BMPR1B: variants seen among roughly 807,000 people sequenced by gnomAD.
BMPR1B encodes the protein bone morphogenetic protein receptor type-1B.
Under a neutral mutation model 59.1 loss-of-function variants are expected in BMPR1B, and 12 were observed. The ratio of observed to expected loss-of-function variants is 0.20; its 90% CI spans 0.13 to 0.33. The LOEUF (loss-of-function observed/expected upper bound fraction) is 0.33. BMPR1B is among the 10% of genes least tolerant of loss of function. BMPR1B has a pLI of 1.00. For missense variants in BMPR1B, 550 were observed against 610.9 expected (o/e 0.90, Z 1.05); for synonymous variants, 237 against 207.3 (o/e 1.14, Z -1.23).
At chr4:95,028,937 G>T (rs992213058) in intron 3 of BMPR1B, among the ~76,000 whole-genome samples, 1 of 151,882 alleles carries the variant, frequency 6.6e-6, no homozygotes, top group African/African-American at 2.4e-5. Context: ...TAAAATGGAA[G>T]TATTTATATA....
intron 3 of BMPR1B, among the ~76,000 whole-genome samples, chr4:95,063,885 T>C (rs958907929): frequency 5.3e-5 from 8 of 152,050 alleles, no homozygotes; most frequent in African/African-American, 1.7e-4. Flanking sequence ...TATGGAAATA[T>C]AGGAAAAGAA....
chr4:95,086,419 C>T (rs1160999867), intron 3 of BMPR1B, among the ~76,000 whole-genome samples: 1 of 152,146 alleles, frequency 6.6e-6, no homozygotes, highest in East Asian at 1.9e-4. Flanking sequence ...TAATGCGAAC[C>T]AGTATTCTTA....
rs928594676 is a variant in BMPR1B at position 95,157,358 on chromosome 4, A to G, written c.*2685A>G. The G allele has an allele frequency of 6.6e-6, 1 of 152,104 alleles. No individual in the cohort carries two copies. Among genetic ancestry groups the G allele is most frequent in the African/African-American group, 2.4e-5 (1 of 41,450 alleles). 9.4% of individuals were successfully genotyped at this position (152,104 alleles called of 1,614,324 possible). On this transcript the variant is annotated 3_prime_UTR_variant, in exon 13 of 13. Transcript: ENST00000515059. ...TTAGATAACACTAAATTGTTCTTAA[A>G]GACTACTCATTTCCCAATAATCCTT... is the stretch of plus-strand genomic sequence containing the variant.
chr4:94,815,565 T>C (rs1453768536), intron 1 of BMPR1B, among the ~76,000 whole-genome samples: 1 of 152,200 alleles, frequency 6.6e-6, no homozygotes, highest in Non-Finnish European at 1.5e-5. Flanking sequence ...ATTGGCAATA[T>C]TGTTTTTTAT....
At position 95,115,809 on chromosome 4, in the gene BMPR1B, C is replaced by A. The variant is rs748472074; in HGVS notation, c.349+22C>A. Reference sequence around the variant, plus strand: ...AGAGGTAAGTGAGGAAGGCTTCCAGCCTGGAAAATCACTAGGTATCATGAA... The same window carrying A: ...AGAGGTAAGTGAGGAAGGCTTCCAGACTGGAAAATCACTAGGTATCATGAA... On this transcript the variant is annotated intron_variant, in intron 6 of 12. Coordinates refer to ENST00000515059, the MANE Select transcript of BMPR1B (RefSeq NM_001203.3). 3 of 1,571,882 alleles carry A rather than the reference C, an allele frequency of 1.9e-6. No homozygotes were observed. In the African/African-American group the frequency reaches 4.1e-5, roughly 21 times the overall value.
chr4:94,773,834 A>G (rs1346484308), intron 1 of BMPR1B, among the ~76,000 whole-genome samples: 1 of 141,334 alleles, frequency 7.1e-6, no homozygotes, highest in Non-Finnish European at 1.6e-5. Flanking sequence ...AACTCTTTGT[A>G]ATATGAAAAC....
chr4:94,930,701 A>G (rs1729065369), intron 2 of BMPR1B, among the ~76,000 whole-genome samples: 1 of 152,156 alleles, frequency 6.6e-6, no homozygotes, highest in Non-Finnish European at 1.5e-5. Context: ...CCATCAACAG[A>G]CAATTACAAT....
intron 2 of BMPR1B, among the ~76,000 whole-genome samples, chr4:94,886,103 C>T (rs566646513): frequency 1.9e-3 from 296 of 152,038 alleles, no homozygotes; most frequent in Middle Eastern, 0.014. Context: ...AAGTGCTATG[C>T]CTAAGTTATA....
intron 2 of BMPR1B, among the ~76,000 whole-genome samples, chr4:94,953,831 G>T (rs1185781609): frequency 2.0e-5 from 3 of 152,096 alleles, no homozygotes; most frequent in South Asian, 4.2e-4. Context: ...AGTTCTCCTG[G>T]ATAATATCCT....
chr4:95,133,929 C>T (rs1733572837), intron 10 of BMPR1B, among the ~76,000 whole-genome samples: 1 of 151,738 alleles, frequency 6.6e-6, no homozygotes, highest in African/African-American at 2.4e-5. Flanking sequence ...GCACAACGTG[C>T]AGGTTTGTTA....
intron 1 of BMPR1B, among the ~76,000 whole-genome samples, chr4:94,863,817 G>C (rs375684334): frequency 6.6e-6 from 1 of 152,170 alleles, no homozygotes; most frequent in African/African-American, 2.4e-5. Context: ...ACACATTTCA[G>C]AGTTGCTCCT....
chr4:95,095,002 T>C (rs1217868749), intron 3 of BMPR1B, among the ~76,000 whole-genome samples: 1 of 151,964 alleles, frequency 6.6e-6, no homozygotes, highest in Non-Finnish European at 1.5e-5. Context: ...AGTTTAGGCA[T>C]ATGTCCCAAC....
At chr4:95,100,902 A>T (rs1730773643) in intron 3 of BMPR1B, among the ~76,000 whole-genome samples, 1 of 152,160 alleles carries the variant, frequency 6.6e-6, no homozygotes, top group South Asian at 2.1e-4. Context: ...ATAATTTTTT[A>T]AAGTCTTTAC....
chr4:94,909,294 A>G (rs1206650084), intron 2 of BMPR1B, among the ~76,000 whole-genome samples: 2 of 152,024 alleles, frequency 1.3e-5, no homozygotes, highest in African/African-American at 4.8e-5. Flanking sequence ...TTTGGGGGAT[A>G]CTAACTTACT....
intron 4 of BMPR1B, 40 bp downstream of exon 4, chr4:95,104,607 A>G (rs755002009): frequency 1.3e-5 from 21 of 1,610,498 alleles, no homozygotes; most frequent in Non-Finnish European, 1.8e-5. Context: ...TTTAACAAAA[A>G]GTCACACTTT....
rs1233812199 is a variant in BMPR1B at position 95,133,870 on chromosome 4, C to G, written c.1076+2358C>G. Among the ~76,000 whole-genome samples, 3 of 128,496 alleles carry G rather than the reference C, an allele frequency of 2.3e-5. No homozygotes were observed. The South Asian group carries it at 7.6e-4, about 33-fold the overall frequency. 84.3% of individuals were successfully genotyped at this position (128,496 alleles called of 152,430 possible). A position where few individuals can be genotyped will look rare whatever the true frequency, so the allele number is the denominator to read the frequency against. Reference sequence around the variant, plus strand: ...TAGGCATGAGCCACCATGCCTGGCCCACCTGCTGTTTTTTTTTTCATTATA... The same window carrying G: ...TAGGCATGAGCCACCATGCCTGGCCGACCTGCTGTTTTTTTTTTCATTATA... On this transcript the variant is annotated intron_variant, in intron 10 of 12. Coordinates refer to ENST00000515059, the MANE Select transcript of BMPR1B (RefSeq NM_001203.3).
intron 2 of BMPR1B, among the ~76,000 whole-genome samples, chr4:94,902,077 G>GTA (rs1431811950): frequency 7.3e-6 from 1 of 136,790 alleles, no homozygotes; most frequent in African/African-American, 2.6e-5. Flanking sequence ...GTGTGTGTGT[G>GTA]TGTGTGTGTG....
intron 1 of BMPR1B, among the ~76,000 whole-genome samples, chr4:94,840,802 G>A (rs1364317945): frequency 2.4e-4 from 35 of 148,442 alleles, no homozygotes; most frequent in Non-Finnish European, 3.2e-4. Flanking sequence ...TCCGTTGCTG[G>A]TGAGGAACTG....
chr4:95,134,837 CTTT>C (rs1447360455), intron 10 of BMPR1B, among the ~76,000 whole-genome samples: 1 of 152,068 alleles, frequency 6.6e-6, no homozygotes, highest in Non-Finnish European at 1.5e-5. Context: ...ATGGTAGTTT[CTTT>C]GCTGTGCAGA....
Sources: gnomAD v4.1 joint callset for allele counts (sites outside exome capture counted in the v4.1 genomes callset) on GRCh38, gnomAD v4.1.1 for gene constraint, MANE v1.5 for transcripts, NCBI Gene and HGNC (gene_info 2026-07-23, HGNC 2026-07-21) for gene names.